EXT1: variants seen among roughly 807,000 people sequenced by gnomAD.
The protein encoded by EXT1 is exostosin glycosyltransferase 1, also known as exostosin-1.
EXT1 carries 20 observed loss-of-function variants against 82.5 expected under a neutral mutation model. The observed-to-expected ratio is 0.24, with a 90% CI of 0.17 to 0.35. EXT1 has a LOEUF of 0.35. EXT1 is among the 10% of genes least tolerant of loss of function. The pLI is 1.00. For missense variants in EXT1, 757 were observed against 936.5 expected, an observed-to-expected ratio of 0.81 and a Z score of 2.50; for synonymous variants, 348 against 350.8, an observed-to-expected ratio of 0.99 and a Z score of 0.09.
chr8:117,851,956 A>G (rs954664943), intron 1 of EXT1, among the ~76,000 whole-genome samples: 1 of 152,224 alleles, frequency 6.6e-6, no homozygotes, highest in African/African-American at 2.4e-5. Flanking sequence ...AACTCCTTCA[A>G]TGAATAAAAA....
intron 1 of EXT1, among the ~76,000 whole-genome samples, chr8:118,094,141 T>A (rs1275924967): frequency 1.3e-5 from 2 of 152,254 alleles, no homozygotes; most frequent in East Asian, 3.8e-4. Flanking sequence ...TTAATGTTTT[T>A]TCAAGAGGCA....
intron 1 of EXT1, among the ~76,000 whole-genome samples, chr8:118,107,269 G>C (rs1053040651): frequency 2.0e-5 from 3 of 152,120 alleles, no homozygotes; most frequent in African/African-American, 7.2e-5. Flanking sequence ...GCTTGAGGGA[G>C]CAAATTAAAC....
chr8:118,008,169 G>A (rs770506376), intron 1 of EXT1, among the ~76,000 whole-genome samples: 1 of 152,144 alleles, frequency 6.6e-6, no homozygotes, highest in Admixed American at 6.5e-5. Flanking sequence ...AACATGCAGT[G>A]TTTGGTTTGC....
At chr8:117,820,331 G>A (rs528659497) in intron 5 of EXT1, among the ~76,000 whole-genome samples, 6 of 152,288 alleles carry the variant, frequency 3.9e-5, no homozygotes, top group South Asian at 2.1e-4. Flanking sequence ...TTAACCCTCT[G>A]TGTTTCCACA....
At chr8:117,888,087 A>AAAT (rs543600078) in intron 1 of EXT1, among the ~76,000 whole-genome samples, 36 of 150,528 alleles carry the variant, frequency 2.4e-4, no homozygotes, top group African/African-American at 4.9e-4. Context: ...TCCATCTCAA[A>AAAT]AATAATAATA....
At chr8:118,067,874 C>G (rs1334707734) in intron 1 of EXT1, among the ~76,000 whole-genome samples, 1 of 152,130 alleles carries the variant, frequency 6.6e-6, no homozygotes, top group Non-Finnish European at 1.5e-5. Flanking sequence ...AGAGTGATGG[C>G]TATTAAAGGG....
At chr8:117,858,766 A>AAGGAAGGCAGGAAGGCAGGCAGGC in intron 1 of EXT1, among the ~76,000 whole-genome samples, 1 of 54,676 alleles carries the variant, frequency 1.8e-5, no homozygotes, top group Admixed American at 1.8e-4. Flanking sequence ...GGAAGGAAGG[A>AAGGAAGGCAGGAAGGCAGGCAGGC]AGGCAGGCAG....
intron 1 of EXT1, among the ~76,000 whole-genome samples, chr8:117,852,742 T>C (rs1812477448): frequency 6.6e-6 from 1 of 152,166 alleles, no homozygotes; most frequent in African/African-American, 2.4e-5. Flanking sequence ...CATTCATCCA[T>C]CCATCCATTT....
chr8:117,808,698 G>C (rs1054265877), intron 8 of EXT1, among the ~76,000 whole-genome samples: 3 of 152,200 alleles, frequency 2.0e-5, no homozygotes, highest in African/African-American at 4.8e-5. Flanking sequence ...TGCCCTCTCA[G>C]AGGTTCCAAA....
intron 1 of EXT1, among the ~76,000 whole-genome samples, chr8:117,993,314 G>A (rs1438044942): frequency 2.6e-5 from 4 of 152,168 alleles, no homozygotes; most frequent in Non-Finnish European, 4.4e-5. Flanking sequence ...TACTGATGGA[G>A]GAAACACTAG....
chr8:118,002,967 T>C (rs1051865639), intron 1 of EXT1, among the ~76,000 whole-genome samples: 11 of 152,126 alleles, frequency 7.2e-5, no homozygotes, highest in African/African-American at 1.9e-4. Flanking sequence ...TGCAAAAATA[T>C]GGAACCAGCA....
chr8:118,040,879 A>G (rs1200912101), intron 1 of EXT1, among the ~76,000 whole-genome samples: 1 of 152,208 alleles, frequency 6.6e-6, no homozygotes, highest in East Asian at 1.9e-4. Flanking sequence ...CTCTAGGGTC[A>G]GTCTAGACTC....
intron 1 of EXT1, among the ~76,000 whole-genome samples, chr8:117,918,063 C>A (rs1440284752): frequency 6.6e-6 from 1 of 152,098 alleles, no homozygotes; most frequent in Admixed American, 6.5e-5. Context: ...CAGCTATCTG[C>A]CAAATGACTT....
chr8:118,057,781 A>G (rs1816818595), intron 1 of EXT1, among the ~76,000 whole-genome samples: 1 of 151,460 alleles, frequency 6.6e-6, no homozygotes, highest in African/African-American at 2.4e-5. Context: ...CGAGACCATC[A>G]TGGCCAACAT....
At chr8:117,952,839 T>C (rs1436066679) in intron 1 of EXT1, among the ~76,000 whole-genome samples, 2 of 152,112 alleles carry the variant, frequency 1.3e-5, no homozygotes, top group African/African-American at 2.4e-5. Flanking sequence ...TTGGCTTAAA[T>C]GAGGTAAGCC....
intron 1 of EXT1, among the ~76,000 whole-genome samples, chr8:118,055,480 CT>C (rs770955777): frequency 7.9e-5 from 12 of 152,284 alleles, no homozygotes; most frequent in Non-Finnish European, 1.6e-4. Flanking sequence ...TAAAATCCAC[CT>C]CTATCTGAAG....
intron 1 of EXT1, among the ~76,000 whole-genome samples, chr8:117,864,414 C>T (rs541014650): frequency 5.9e-5 from 9 of 152,084 alleles, no homozygotes; most frequent in Non-Finnish European, 1.0e-4. Flanking sequence ...TCTTGGGCCA[C>T]ACATAAAATA....
intron 1 of EXT1, among the ~76,000 whole-genome samples, chr8:117,885,716 G>A (rs1484966080): frequency 6.6e-6 from 1 of 152,052 alleles, no homozygotes; most frequent in Non-Finnish European, 1.5e-5. Context: ...CTGTATTTTT[G>A]ATAGCCATTC....
intron 1 of EXT1, among the ~76,000 whole-genome samples, chr8:118,021,020 G>A (rs1032104097): frequency 6.6e-6 from 1 of 152,066 alleles, no homozygotes; most frequent in African/African-American, 2.4e-5. Context: ...AGTGTATTTT[G>A]TATGTAAGAA....
Sources: gnomAD v4.1 joint callset for allele counts (sites outside exome capture counted in the v4.1 genomes callset) on GRCh38, gnomAD v4.1.1 for gene constraint, MANE v1.5 for transcripts, NCBI Gene and HGNC (gene_info 2026-07-23, HGNC 2026-07-21) for gene names.